The following MED13L variants were observed in gnomAD, a reference collection of about 807,000 sequenced individuals.
MED13L encodes the protein mediator complex subunit 13L.
A neutral mutation model predicts 220.9 loss-of-function variants in MED13L; 7 were observed. That is an observed-to-expected ratio of 0.03 (90% confidence interval 0.02 to 0.06). MED13L has a LOEUF of 0.06. Ranked by LOEUF, MED13L falls within the 10% of genes least tolerant of loss-of-function variation. MED13L has a pLI of 1.00. For synonymous variants in MED13L, 1,011 were observed against 1,015.2 expected (o/e 1.00, Z 0.08); for missense variants, 1,965 against 2,760.5 (o/e 0.71, Z 6.46).
intron 2 of MED13L, among the ~76,000 whole-genome samples, chr12:116,130,689 T>C (rs1017655918): frequency 1.3e-5 from 2 of 150,360 alleles, no homozygotes; most frequent in African/African-American, 4.8e-5. Flanking sequence ...TGATGTACTG[T>C]ATGGGGACTG....
At chr12:115,975,979 A>G (rs1047381901) in intron 23 of MED13L, among the ~76,000 whole-genome samples, 2 of 152,206 alleles carry the variant, frequency 1.3e-5, no homozygotes, top group African/African-American at 2.4e-5. Context: ...AGAAATTACT[A>G]TTTTAGAAAC....
chr12:116,190,558 A>T (rs1379860308), intron 2 of MED13L, among the ~76,000 whole-genome samples: 1 of 152,140 alleles, frequency 6.6e-6, no homozygotes, highest in Non-Finnish European at 1.5e-5. Flanking sequence ...TTTTTTCAGG[A>T]AGCAATCCAA....
At position 116,245,010 on chromosome 12, in the gene MED13L, T is replaced by C. The variant is rs963818571; in HGVS notation, c.73-7305A>G. ...GAAGGCACTCAGATGCCCAGGTACCTTCTCTACTGCACAAAGCTGAACTAC... is the reference window on the plus strand; with the variant it reads ...GAAGGCACTCAGATGCCCAGGTACCCTCTCTACTGCACAAAGCTGAACTAC... On this transcript the variant is annotated intron_variant, in intron 1 of 30. Transcript: ENST00000281928. Among the ~76,000 whole-genome samples the C allele has an allele frequency of 9.9e-5, 15 of 151,958 alleles. No individual in the cohort carries two copies. In the East Asian group the frequency reaches 2.9e-3, roughly 29 times the overall value.
intron 2 of MED13L, among the ~76,000 whole-genome samples, chr12:116,209,244 C>T (rs551286539): frequency 9.9e-5 from 15 of 152,242 alleles, no homozygotes; most frequent in African/African-American, 3.1e-4. Flanking sequence ...AAATGTTGCA[C>T]GTACATTATA....
At chr12:115,963,016 A>C (rs1875876556) in intron 30 of MED13L, among the ~76,000 whole-genome samples, 1 of 152,164 alleles carries the variant, frequency 6.6e-6, no homozygotes. Flanking sequence ...GCGAGACTCC[A>C]TCTCGAATAA....
In MED13L at chr12:116,007,444, T is replaced by C; in HGVS notation, c.2205A>G (p.Gln735=). 1 of 1,613,806 alleles carries C rather than the reference T, an allele frequency of 6.2e-7. No individual in the cohort carries two copies. Among genetic ancestry groups the C allele is most frequent in the Non-Finnish European group, 8.5e-7 (1 of 1,179,744 alleles). ...TTTTCAGGGAATCTTTCTCCGTCCC[T>C]TGTTTGCATTTCTTGTTGGCTGTAA... ...YIFTANKKCK[Q]GTEKDSLKKN... The change falls in exon 11 of 31, where the codon CAA becomes CAG. Residue 735 remains glutamine, a synonymous_variant. Coordinates refer to ENST00000281928, the MANE Select transcript of MED13L (RefSeq NM_015335.5).
Position 116,251,482 on chromosome 12 carries a change from A to G in MED13L, c.73-13777T>C, listed in dbSNP as rs1361894507. ...TTTTTAAAGTAAGGCCCAACTGGCC[A>G]GACGAGGTGGCTCACGCCTGTAATC... On this transcript the variant is annotated intron_variant, in intron 1 of 30. Coordinates refer to ENST00000281928, the MANE Select transcript of MED13L (RefSeq NM_015335.5). 2.1e-5 allele frequency among the ~76,000 whole-genome samples: 3 copies of G among 144,000 alleles called. 1 individual carries two copies. Among genetic ancestry groups the G allele is most frequent in the African/African-American group, 7.7e-5 (3 of 39,206 alleles). 94.5% of individuals were successfully genotyped at this position (144,000 alleles called of 152,430 possible). A position where few individuals can be genotyped will look rare whatever the true frequency, so the allele number is the denominator to read the frequency against.
rs576073219 is a variant in MED13L at position 115,991,995 on chromosome 12, A to C, written c.2997-38T>G. 6.5e-6 allele frequency: 10 copies of C among 1,535,460 alleles called. No individual in the cohort carries two copies. The African/African-American group carries it at 1.4e-4, about 21-fold the overall frequency. ...AAGGCACCAAGTGAGGAAGGGCAGC[A>C]TGTCACAGATGCTGAACTAGACACA... On this transcript the variant is annotated intron_variant, in intron 16 of 30. Transcript: ENST00000281928. This position sits in a 1 kb window ranked among gnomAD's most constrained non-coding sequence, Gnocchi z 7.7.
chr12:116,056,089 A>C lies in MED13L; in HGVS notation c.480-33488T>G, dbSNP rs186532252. 3.7e-3 allele frequency among the ~76,000 whole-genome samples: 557 copies of C among 151,944 alleles called. 1 individual carries two copies. The highest frequency in any genetic ancestry group is 0.014 in the Middle Eastern group (4 of 294). On this transcript the variant is annotated intron_variant, in intron 4 of 30. Transcript: ENST00000281928. ...GGTTTAGTAAGCTGCTGGCAGCCCA[A>C]AGGTAAGTTTGTTAGGGTAGGACCC...
At chr12:116,010,207 C>G (rs1186855569) in intron 9 of MED13L, among the ~76,000 whole-genome samples, 1 of 152,114 alleles carries the variant, frequency 6.6e-6, no homozygotes, top group African/African-American at 2.4e-5. Flanking sequence ...TGCAAATACT[C>G]TTGCCAAAGT....
intron 25 of MED13L, among the ~76,000 whole-genome samples, chr12:115,973,038 TC>T (rs1487786026): frequency 2.0e-5 from 3 of 152,018 alleles, no homozygotes; most frequent in Non-Finnish European, 4.4e-5. Context: ...ACACTTTTTT[TC>T]CCCCAAATAA....
At chr12:116,178,236 T>C (rs989675827) in intron 2 of MED13L, among the ~76,000 whole-genome samples, 9 of 152,190 alleles carry the variant, frequency 5.9e-5, no homozygotes, top group Admixed American at 3.9e-4. Context: ...ATTATGTATA[T>C]GATGGTTAGC....
At chr12:116,118,741 A>C (rs958868982) in intron 2 of MED13L, among the ~76,000 whole-genome samples, 2 of 152,178 alleles carry the variant, frequency 1.3e-5, no homozygotes, top group Non-Finnish European at 2.9e-5. Context: ...ATAACAGATA[A>C]TTTGATCAAC....
chr12:116,095,324 TTTAAAGG>T (rs958076002), intron 4 of MED13L, among the ~76,000 whole-genome samples: 2 of 152,186 alleles, frequency 1.3e-5, no homozygotes, highest in Non-Finnish European at 2.9e-5. Flanking sequence ...ATTGCTACTT[TTTAAAGG>T]ATTTTGAATG....
intron 4 of MED13L, among the ~76,000 whole-genome samples, chr12:116,080,936 A>G (rs1449698926): frequency 6.6e-6 from 1 of 152,250 alleles, no homozygotes; most frequent in African/African-American, 2.4e-5. Context: ...CTATAGGAAT[A>G]CGAAGGTATT....
At chr12:116,200,814 T>C (rs1329332230) in intron 2 of MED13L, among the ~76,000 whole-genome samples, 1 of 152,220 alleles carries the variant, frequency 6.6e-6, no homozygotes, top group Non-Finnish European at 1.5e-5. Context: ...AGTTAGATTT[T>C]TTTAATACAG....
intron 4 of MED13L, among the ~76,000 whole-genome samples, chr12:116,059,312 G>C (rs1328793235): frequency 6.6e-6 from 1 of 151,934 alleles, no homozygotes; most frequent in Non-Finnish European, 1.5e-5. Flanking sequence ...CTCCTGCCTA[G>C]GCCTCCCAAA....
At chr12:116,007,282 T>C (rs1472074587) in intron 11 of MED13L, 129 bp downstream of exon 11, 6 of 827,068 alleles carry the variant, frequency 7.3e-6, no homozygotes, top group Admixed American at 1.9e-5. Context: ...ACCAAGAGCA[T>C]GAATATGGGG....
chr12:115,983,189 C>T lies in MED13L; in HGVS notation c.4883G>A (p.Gly1628Glu), dbSNP rs1350266959. The change falls in exon 21 of 31, where the codon GGG becomes GAG. Residue 1628 changes from glycine to glutamate, a missense_variant. Physicochemically the swap from Gly to Glu is moderately conservative, Grantham distance 98. Around this residue, in one of 10 missense-constraint regions of MED13L, gnomAD observed 510 missense variants for 620.4 expected, o/e 0.82. Coordinates refer to ENST00000281928, the MANE Select transcript of MED13L (RefSeq NM_015335.5). ...TGGISADRTQ[G>E]NIGCGGDTDP... is the part of the protein sequence containing the mutation. ...AGTGTCTCCACCACAGCCTATGTTC[C>T]CTTGCGTTCTATCCGCAGAAATGCC... 1.2e-6 allele frequency: 2 copies of T among 1,614,038 alleles called. No individual in the cohort carries two copies. The highest frequency in any genetic ancestry group is 1.7e-5 in the Admixed American group (1 of 60,010).
Sources: allele counts gnomAD v4.1 joint callset (sites outside exome capture counted in the v4.1 genomes callset), GRCh38; gene constraint gnomAD v4.1.1; regional missense constraint gnomAD v4.1.1; non-coding constraint Gnocchi (gnomAD v3.1); transcripts MANE v1.5; gene names NCBI Gene and HGNC (gene_info 2026-07-23, HGNC 2026-07-21).